SUDS3: variants seen among roughly 807,000 people sequenced by gnomAD.
SUDS3 encodes the protein sin3 histone deacetylase corepressor complex component SDS3.
In SUDS3, 23 loss-of-function variants were observed where a neutral mutation model predicts 53.5. The observed-to-expected ratio is 0.43, with a 90% confidence interval of 0.31 to 0.61. The LOEUF (loss-of-function observed/expected upper bound fraction) is 0.61, where lower values mean the gene tolerates loss of function less well. Ranked by LOEUF, SUDS3 falls within the 20% of genes least tolerant of loss-of-function variation. The pLI is 0.10. For missense variants in SUDS3, 291 were observed against 405.9 expected (o/e 0.72, Z 2.43); for synonymous variants, 150 against 148.5 (o/e 1.01, Z -0.08).
chr12:118,385,106 GCTTTT>G lies in SUDS3; in HGVS notation c.269-1002_269-998del, dbSNP rs375637880. ...TCCCCTTGTCAGTGAAACTGTTTTT[GCTTTT>G]CTTTTTTTTTTTTTCGAGGCTGAGT... On this transcript the variant is annotated intron_variant, in intron 3 of 11. Coordinates refer to ENST00000543473, the MANE Select transcript of SUDS3 (RefSeq NM_022491.3). Among the ~76,000 whole-genome samples, 134 of 151,744 alleles carry G rather than the reference GCTTTT, an allele frequency of 8.8e-4. No individual in the cohort carries two copies. The East Asian group carries it at 0.021, about 24-fold the overall frequency.
intron 6 of SUDS3, among the ~76,000 whole-genome samples, chr12:118,399,462 A>G (rs1309080205): frequency 6.6e-6 from 1 of 152,220 alleles, no homozygotes; most frequent in Admixed American, 6.5e-5. Flanking sequence ...AGATCGTGCC[A>G]CTGCACTCCA....
chr12:118,391,855 G>T (rs115146039), intron 6 of SUDS3, among the ~76,000 whole-genome samples: 1,554 of 152,310 alleles, frequency 0.01, 18 homozygotes, highest in African/African-American at 0.035. Context: ...GATTTGATAT[G>T]ATTCCAACAG....
chr12:118,403,589 T>A, intron 10 of SUDS3, 72 bp downstream of exon 10: 1 of 1,259,534 alleles, frequency 7.9e-7, no homozygotes, highest in Non-Finnish European at 1.1e-6. Flanking sequence ...GGGGCTATTG[T>A]AGTTATTTCA....
At chr12:118,407,393 T>G (rs1325408203) in intron 10 of SUDS3, among the ~76,000 whole-genome samples, 2 of 152,116 alleles carry the variant, frequency 1.3e-5, no homozygotes, top group Admixed American at 6.5e-5. Flanking sequence ...CCACCTCTAC[T>G]TTGGAGCAAA....
chr12:118,380,462 A>T (rs2046046491), intron 2 of SUDS3, among the ~76,000 whole-genome samples: 1 of 152,216 alleles, frequency 6.6e-6, no homozygotes. Flanking sequence ...AAAAAATCCA[A>T]AACACTTCTG....
At chr12:118,411,694 G>T (rs2046361253) in intron 11 of SUDS3, among the ~76,000 whole-genome samples, 1 of 151,754 alleles carries the variant, frequency 6.6e-6, no homozygotes, top group South Asian at 2.1e-4. Context: ...GTAGAGATGG[G>T]GTTTCACCAC....
At chr12:118,392,725 T>G (rs1489335689) in intron 6 of SUDS3, among the ~76,000 whole-genome samples, 2 of 152,222 alleles carry the variant, frequency 1.3e-5, no homozygotes, top group East Asian at 3.8e-4. Flanking sequence ...CTCATTGTTC[T>G]CTGCTAGAGC....
chr12:118,408,377 A>C lies in SUDS3; in HGVS notation c.804-2696A>C, dbSNP rs190527988. 7.6e-3 allele frequency among the ~76,000 whole-genome samples: 1,122 copies of C among 147,124 alleles called. 7 individuals are homozygous for C. Among genetic ancestry groups the C allele is most frequent in the South Asian group, 0.014 (65 of 4,640 alleles). On this transcript the variant is annotated intron_variant, in intron 10 of 11. Coordinates refer to ENST00000543473, the MANE Select transcript of SUDS3 (RefSeq NM_022491.3). The stretch of plus-strand genomic sequence containing the variant: ...GAGACAGAGTCTCGTTCTTCCAGCC[A>C]GGCTGGAGTGCAGTGGCATGATCTC...
intron 9 of SUDS3, 181 bp downstream of exon 9, chr12:118,402,185 T>G: frequency 1.6e-6 from 1 of 608,868 alleles, no homozygotes; most frequent in East Asian, 2.8e-5. Context: ...TTTCTTTTTT[T>G]TTCATAACCC....
chr12:118,394,162 A>G (rs1193862311), intron 6 of SUDS3, among the ~76,000 whole-genome samples: 1 of 152,150 alleles, frequency 6.6e-6, no homozygotes, highest in African/African-American at 2.4e-5. Flanking sequence ...TGGCACTGTC[A>G]CAGATTTAAA....
At chr12:118,397,080 G>T (rs2046222749) in intron 6 of SUDS3, among the ~76,000 whole-genome samples, 1 of 152,172 alleles carries the variant, frequency 6.6e-6, no homozygotes, top group East Asian at 1.9e-4. Flanking sequence ...GATGTTTAAT[G>T]ATAAAATAGT....
intron 10 of SUDS3, among the ~76,000 whole-genome samples, chr12:118,408,225 G>A (rs1052872514): frequency 1.1e-4 from 16 of 151,736 alleles, no homozygotes; most frequent in African/African-American, 2.7e-4. Flanking sequence ...GTAGAGACGG[G>A]GTTTCACCTT....
Position 118,401,838 on chromosome 12 carries a change from T to G in SUDS3, c.675+18T>G. The G allele has an allele frequency of 6.2e-7, 1 of 1,612,610 alleles. No homozygotes were observed. The highest frequency in any genetic ancestry group is 8.5e-7 in the Non-Finnish European group (1 of 1,178,742). The stretch of plus-strand genomic sequence containing the variant: ...TAAATAAGGTACGGTTTGACTTTTT[T>G]GATTTATTTGAAAACTCAGGCTTTT... On this transcript the variant is annotated intron_variant, in intron 8 of 11. Transcript: ENST00000543473.
At chr12:118,376,855 G>A (rs1034156475) in intron 1 of SUDS3, 22 bp downstream of exon 1, 49 of 1,480,908 alleles carry the variant, frequency 3.3e-5, no homozygotes, top group Middle Eastern at 4.7e-4. Flanking sequence ...CGCTCGCCCG[G>A]CCGCCCGGAG....
In SUDS3 at chr12:118,376,953, G is replaced by C. The variant is rs373621831; in HGVS notation, c.142+120G>C. On this transcript the variant is annotated intron_variant, in intron 1 of 11. Transcript: ENST00000543473. ...GGGCCTGGGGCTGCGTGGAGGGGCC[G>C]CCGGGAGTTGCGGGGCTCGGGGAAG... is the stretch of plus-strand genomic sequence containing the variant. 12,003 of 1,258,174 alleles carry C rather than the reference G, an allele frequency of 9.5e-3. 99 individuals are homozygous for C. Among genetic ancestry groups the C allele is most frequent in the Middle Eastern group, 0.032 (109 of 3,456 alleles). The allele number at this position is 1,258,174 out of a possible 1,614,324, so 77.9% of individuals were successfully genotyped here.
chr12:118,382,423 A>G (rs963142134), intron 2 of SUDS3, among the ~76,000 whole-genome samples: 3 of 151,958 alleles, frequency 2.0e-5, no homozygotes, highest in Admixed American at 6.6e-5. Context: ...GTGCAGTGGC[A>G]TGATAGCAGC....
At chr12:118,410,970 C>A in intron 10 of SUDS3, 103 bp from the exon 11 acceptor site, 1 of 927,680 alleles carries the variant, frequency 1.1e-6, no homozygotes, top group South Asian at 1.4e-5. Context: ...ATTAAGACTT[C>A]TTTAATTATA....
At chr12:118,389,005 C>T (rs1035481708) in intron 4 of SUDS3, among the ~76,000 whole-genome samples, 1 of 152,146 alleles carries the variant, frequency 6.6e-6, no homozygotes, top group Non-Finnish European at 1.5e-5. Context: ...AAAAATCAGC[C>T]AGGTGTGGTG....
At chr12:118,378,768 C>T (rs1411226112) in intron 1 of SUDS3, among the ~76,000 whole-genome samples, 4 of 151,912 alleles carry the variant, frequency 2.6e-5, no homozygotes, top group Non-Finnish European at 2.9e-5. Context: ...CTCTGCCTCC[C>T]GAGTTCAAGC....
Sources: gnomAD v4.1 joint callset for allele counts (sites outside exome capture counted in the v4.1 genomes callset) on GRCh38, gnomAD v4.1.1 for gene constraint, MANE v1.5 for transcripts, NCBI Gene and HGNC (gene_info 2026-07-23, HGNC 2026-07-21) for gene names.